Variants in IL1RAPL1 observed in about 807,000 individuals in gnomAD.
IL1RAPL1 encodes interleukin-1 receptor accessory protein-like 1.
Under a neutral mutation model 48.4 loss-of-function variants are expected in IL1RAPL1, and 3 were observed. The ratio of observed to expected loss-of-function variants is 0.06; its 90% confidence interval spans 0.03 to 0.16. The LOEUF is 0.16. Ranked by LOEUF, IL1RAPL1 falls within the 10% of genes least tolerant of loss-of-function variation. The pLI is 1.00. For synonymous variants in IL1RAPL1, 185 were observed against 187.7 expected (o/e 0.99, Z 0.12); for missense variants, 349 against 530.6 (o/e 0.66, Z 3.36).
chrX:28,729,838 A>G (rs1307721916), intron 1 of IL1RAPL1, among the ~76,000 whole-genome samples: 1 of 110,803 alleles, frequency 9.0e-6, no homozygotes, highest in Admixed American at 9.8e-5. Flanking sequence ...TCTACTAAAA[A>G]TACAAAAATT....
chrX:29,240,339 A>T (rs1931400809), intron 2 of IL1RAPL1, among the ~76,000 whole-genome samples: 1 of 95,710 alleles, frequency 1.0e-5, no homozygotes, highest in Non-Finnish European at 2.0e-5. Flanking sequence ...GGTTCAAGCG[A>T]TTTTCCTGCC....
At chrX:29,233,798 C>G (rs1931243084) in intron 2 of IL1RAPL1, among the ~76,000 whole-genome samples, 2 of 112,328 alleles carry the variant, frequency 1.8e-5, no homozygotes, top group African/African-American at 6.5e-5. Flanking sequence ...TCTGGGTGGG[C>G]CTGACTTTAT....
chrX:29,233,854 T>C (rs1332903365), intron 2 of IL1RAPL1, among the ~76,000 whole-genome samples: 14 of 112,685 alleles, frequency 1.2e-4, no homozygotes, highest in African/African-American at 4.2e-4. Flanking sequence ...CCTGAAGAGA[T>C]AAATTCTCCT....
chrX:29,367,791 C>G lies in IL1RAPL1; in HGVS notation c.363-28467C>G, dbSNP rs745340932. 7.3e-5 allele frequency among the ~76,000 whole-genome samples: 8 copies of G among 109,126 alleles called. No individual in the cohort carries two copies. The East Asian group carries it at 2.0e-3, about 27-fold the overall frequency. The allele number at this position is 109,126 out of a possible 115,157, so 94.8% of individuals were successfully genotyped here. A position where few individuals can be genotyped will look rare whatever the true frequency, so the allele number is the denominator to read the frequency against. ...ACAGGTTTTCACCTTGTTGGCCAGG[C>G]TGGTCTCGAACTCCTGATCTCAGGT... On this transcript the variant is annotated intron_variant, in intron 3 of 10. Transcript: ENST00000378993.
At chrX:29,162,198 G>A (rs1929699094) in intron 2 of IL1RAPL1, among the ~76,000 whole-genome samples, 1 of 110,194 alleles carries the variant, frequency 9.1e-6, no homozygotes, top group South Asian at 3.9e-4. Flanking sequence ...CACACACGGG[G>A]GCCTGTCTGG....
intron 2 of IL1RAPL1, among the ~76,000 whole-genome samples, chrX:29,106,669 T>A (rs987668646): frequency 4.5e-5 from 5 of 111,656 alleles, no homozygotes. Context: ...GTTGTTATAT[T>A]ACTTGGTAGC....
Position 29,920,036 on chromosome X carries a change from C to T in IL1RAPL1, c.999C>T (p.Ser333=). 8.3e-7 allele frequency: 1 copy of T among 1,210,096 alleles called. No individual in the cohort carries two copies. The highest frequency in any genetic ancestry group is 1.1e-6 in the Non-Finnish European group (1 of 894,093). Residue 333 remains serine, a synonymous_variant, in exon 8 of 11, where the codon TCC becomes TCT. Transcript: ENST00000378993. ...SVEEGDLGNY[S]CYVENGNGRR... ...AAGAAGGTGACTTGGGAAATTACTC[C>T]TGTTATGTTGAAAATGGAAATGGAC...
At chrX:28,703,458 G>T (rs1287302932) in intron 1 of IL1RAPL1, among the ~76,000 whole-genome samples, 2 of 111,227 alleles carry the variant, frequency 1.8e-5, no homozygotes, top group African/African-American at 6.5e-5. Context: ...AACCTCTCTT[G>T]AAAAAGCATA....
At chrX:29,056,656 G>C (rs769601985) in intron 2 of IL1RAPL1, among the ~76,000 whole-genome samples, 1 of 111,307 alleles carries the variant, frequency 9.0e-6, no homozygotes, top group Non-Finnish European at 1.9e-5. Context: ...ATGTTCCAGG[G>C]TATATGTGTA....
At chrX:29,451,335 C>CA (rs1238754845) in intron 5 of IL1RAPL1, among the ~76,000 whole-genome samples, 1 of 109,198 alleles carries the variant, frequency 9.2e-6, no homozygotes, top group African/African-American at 3.3e-5. Flanking sequence ...GCTGGGACTA[C>CA]AGGCGCCTGC....
rs1925202158 is a variant in IL1RAPL1, at chrX:28,976,154, C to G, written c.82+186729C>G. 4.5e-5 allele frequency among the ~76,000 whole-genome samples: 5 copies of G among 111,708 alleles called. No homozygotes were observed. In the South Asian group the frequency reaches 1.9e-3, roughly 42 times the overall value. ...GGTTTTGAAAAAGGCTTAATGTCAT[C>G]TAACTTAGTATTTTGAAAGGATAAC... On this transcript the variant is annotated intron_variant, in intron 2 of 10. Transcript: ENST00000378993.
chrX:28,851,324 T>C (rs1244695119), intron 2 of IL1RAPL1, among the ~76,000 whole-genome samples: 1 of 110,702 alleles, frequency 9.0e-6, no homozygotes, highest in African/African-American at 3.3e-5. Flanking sequence ...TTTGCAAAAA[T>C]AGAAATTTTG....
chrX:28,661,889 T>C (rs1220234220), intron 1 of IL1RAPL1, among the ~76,000 whole-genome samples: 2 of 111,707 alleles, frequency 1.8e-5, no homozygotes, highest in Middle Eastern at 4.2e-3. Context: ...AATTAAATTA[T>C]GCTACGTGCT....
At chrX:28,785,638 G>A (rs746240868) in intron 1 of IL1RAPL1, among the ~76,000 whole-genome samples, 1 of 111,651 alleles carries the variant, frequency 9.0e-6, no homozygotes, top group South Asian at 3.7e-4. Context: ...TTCTTTATCT[G>A]TACTTCCTTC....
intron 5 of IL1RAPL1, among the ~76,000 whole-genome samples, chrX:29,401,561 A>G (rs747278138): frequency 9.0e-5 from 10 of 110,915 alleles, no homozygotes; most frequent in African/African-American, 3.3e-4. Context: ...ATAAGGAATC[A>G]CTGTTTTTTA....
At chrX:29,547,363 A>G (rs767547598) in intron 5 of IL1RAPL1, among the ~76,000 whole-genome samples, 27 of 111,104 alleles carry the variant, frequency 2.4e-4, no homozygotes, top group Admixed American at 1.1e-3. Flanking sequence ...TGTTTGGGAG[A>G]GTCTTATAAA....
chrX:29,821,764 C>T (rs1332871199), intron 6 of IL1RAPL1, among the ~76,000 whole-genome samples: 2 of 112,325 alleles, frequency 1.8e-5, no homozygotes, highest in Non-Finnish European at 3.8e-5. Context: ...CTTTAAGATC[C>T]AAAGACATTG....
At chrX:28,889,280 A>G (rs1922717015) in intron 2 of IL1RAPL1, among the ~76,000 whole-genome samples, 1 of 111,722 alleles carries the variant, frequency 9.0e-6, no homozygotes, top group African/African-American at 3.2e-5. Flanking sequence ...ACAATCCCTA[A>G]CATTTCTTAG....
intron 2 of IL1RAPL1, among the ~76,000 whole-genome samples, chrX:29,195,883 C>T (rs1013738098): frequency 1.2e-4 from 13 of 111,376 alleles, no homozygotes; most frequent in Non-Finnish European, 2.3e-4. Context: ...TAACCTAAAT[C>T]CCTGAACCTT....
Sources: allele counts gnomAD v4.1 joint callset (sites outside exome capture counted in the v4.1 genomes callset), GRCh38; gene constraint gnomAD v4.1.1; transcripts MANE v1.5; gene names NCBI Gene and HGNC (gene_info 2026-07-23, HGNC 2026-07-21).